The following CIROZ variants were observed in gnomAD, a reference collection of about 807,000 sequenced individuals.
The protein encoded by CIROZ is ciliated left-right organizer protein containing ZP-N domains, also known as ciliated left-right organizer ZP-N domains-containing protein.
chr1:10,975,407 GAAAAAAAAAA>G, the CIROZ span, among the ~76,000 whole-genome samples: 1 of 78,782 alleles, frequency 1.3e-5, no homozygotes, highest in Non-Finnish European at 2.9e-5. Flanking sequence ...CTCTGTCTCA[GAAAAAAAAAA>G]AAAAAAAAAA....
At chr1:10,972,420 T>TAGAA in the CIROZ span, among the ~76,000 whole-genome samples, 1,461 of 131,796 alleles carry the variant, frequency 0.011, 22 homozygotes, top group African/African-American at 0.042. Flanking sequence ...GTCTCTGAAA[T>TAGAA]ACACACACAC....
At chr1:10,971,809 C>A in the CIROZ span, among the ~76,000 whole-genome samples, 1 of 152,198 alleles carries the variant, frequency 6.6e-6, no homozygotes, top group African/African-American at 2.4e-5. Flanking sequence ...CCACTCTATC[C>A]CCAGGGTCCT....
chr1:10,955,712 C>G, the CIROZ span, among the ~76,000 whole-genome samples: 1 of 151,788 alleles, frequency 6.6e-6, no homozygotes, highest in Non-Finnish European at 1.5e-5. Flanking sequence ...GGCGTGGTGG[C>G]GGGTGCCTGT....
the CIROZ span, among the ~76,000 whole-genome samples, chr1:10,967,537 G>A: frequency 6.6e-6 from 1 of 152,122 alleles, no homozygotes; most frequent in African/African-American, 2.4e-5. Flanking sequence ...TATCTTACTG[G>A]CTTATTTGTT....
the CIROZ span, among the ~76,000 whole-genome samples, chr1:10,959,773 C>T: frequency 6.6e-6 from 1 of 152,252 alleles, no homozygotes; most frequent in Non-Finnish European, 1.5e-5. The surrounding 1 kb of genome is among the most constrained non-coding windows in gnomAD (Gnocchi z 4.3). Flanking sequence ...GCAGCCTCCC[C>T]AGTTGCCCAG....
At chr1:10,981,686 G>GGGTCTTCC in the CIROZ span, among the ~76,000 whole-genome samples, 1 of 152,128 alleles carries the variant, frequency 6.6e-6, no homozygotes, top group Non-Finnish European at 1.5e-5. Context: ...AATTTGTTTT[G>GGGTCTTCC]TTTTAAGGAC....
the CIROZ span, among the ~76,000 whole-genome samples, chr1:10,961,933 C>T: frequency 3.9e-5 from 6 of 152,120 alleles, no homozygotes; most frequent in African/African-American, 1.4e-4. Context: ...GGCAACAGAG[C>T]GAGACTCTGT....
the CIROZ span, among the ~76,000 whole-genome samples, chr1:10,953,591 C>T: frequency 2.6e-5 from 4 of 152,206 alleles, no homozygotes; most frequent in African/African-American, 9.7e-5. Flanking sequence ...TAAATGGAAA[C>T]AGCTCTTCTT....
chr1:10,977,502 T>C, the CIROZ span, among the ~76,000 whole-genome samples: 1 of 152,020 alleles, frequency 6.6e-6, no homozygotes, highest in African/African-American at 2.4e-5. Context: ...AATAAATAAA[T>C]AAAATGATGA....
chr1:10,977,022 G>T, the CIROZ span, among the ~76,000 whole-genome samples: 1 of 151,980 alleles, frequency 6.6e-6, no homozygotes, highest in South Asian at 2.1e-4. Context: ...AGCTGGGCAT[G>T]GTGGCGCATG....
chr1:10,978,792 C>T, the CIROZ span, among the ~76,000 whole-genome samples: 1 of 151,982 alleles, frequency 6.6e-6, no homozygotes, highest in Admixed American at 6.6e-5. Flanking sequence ...AGCAAACAGT[C>T]GGAAATGAGT....
At chr1:10,979,672 C>T in the CIROZ span, among the ~76,000 whole-genome samples, 1 of 152,302 alleles carries the variant, frequency 6.6e-6, no homozygotes, top group Admixed American at 6.5e-5. Context: ...AACCTGGAAA[C>T]CACCCCAGCG....
At chr1:10,971,553 A>G in the CIROZ span, among the ~76,000 whole-genome samples, 9,564 of 151,910 alleles carry the variant, frequency 0.063, 1,010 homozygotes, top group African/African-American at 0.22. Context: ...GCTCTTCTTC[A>G]TCTGCAGGTC....
At chr1:10,961,786 A>C in the CIROZ span, among the ~76,000 whole-genome samples, 1 of 151,818 alleles carries the variant, frequency 6.6e-6, no homozygotes, top group Non-Finnish European at 1.5e-5. Context: ...TCTACTAAAA[A>C]CGCAAAAAAT....
chr1:10,947,992 C>T, the CIROZ span: 6 of 1,613,620 alleles, frequency 3.7e-6, no homozygotes, highest in Non-Finnish European at 5.1e-6. Context: ...AGAAGAGCTG[C>T]TGGGCGAACA....
the CIROZ span, chr1:10,981,890 C>T: frequency 2.3e-6 from 3 of 1,287,734 alleles, no homozygotes; most frequent in Non-Finnish European, 3.2e-6. Flanking sequence ...ACCCATTTGG[C>T]CCCCTTCCCT....
At chr1:10,957,472 A>G in the CIROZ span, 5 of 1,292,818 alleles carry the variant, frequency 3.9e-6, no homozygotes, top group Non-Finnish European at 5.2e-6. Context: ...AATGGGGCCC[A>G]ATTTTCGAAG....
the CIROZ span, among the ~76,000 whole-genome samples, chr1:10,981,285 C>G: frequency 6.6e-6 from 1 of 151,856 alleles, no homozygotes. Flanking sequence ...CCTGTCTCTA[C>G]AAAAAAATTA....
At chr1:10,955,570 C>T in the CIROZ span, among the ~76,000 whole-genome samples, 29 of 152,234 alleles carry the variant, frequency 1.9e-4, no homozygotes, top group Admixed American at 1.8e-3. Context: ...AGGCCAGGCA[C>T]AGTGGTCCAT....
Sources: gnomAD v4.1 joint callset for allele counts (sites outside exome capture counted in the v4.1 genomes callset) on GRCh38, gnomAD v4.1.1 for gene constraint, Gnocchi (gnomAD v3.1) non-coding constraint, MANE v1.5 for transcripts, NCBI Gene and HGNC (gene_info 2026-07-23, HGNC 2026-07-21) for gene names.